The following CCDC69 variants were observed in gnomAD, a reference collection of about 807,000 sequenced individuals.
CCDC69 encodes coiled-coil domain-containing protein 69.
Under a neutral mutation model 40.3 loss-of-function variants are expected in CCDC69, and 38 were observed. The ratio of observed to expected loss-of-function variants is 0.94; its 90% CI spans 0.73 to 1.24. The LOEUF is 1.24. Among genes scored for constraint, CCDC69 ranks in the 50% most tolerant of loss-of-function variants. The pLI is 0.00. For missense variants in CCDC69, 389 were observed against 357.9 expected (o/e 1.09, Z -0.70); for synonymous variants, 141 against 138.9 (o/e 1.02, Z -0.11).
chr5:151,218,971 CAAACGCA>C (rs535802762), intron 1 of CCDC69, among the ~76,000 whole-genome samples: 2 of 152,298 alleles, frequency 1.3e-5, no homozygotes, highest in African/African-American at 4.8e-5. Flanking sequence ...TTTAGGTTGC[CAAACGCA>C]AAAATCTGGT....
chr5:151,192,095 A>AG (rs1477288089), intron 4 of CCDC69, among the ~76,000 whole-genome samples: 1 of 147,786 alleles, frequency 6.8e-6, no homozygotes, highest in East Asian at 2.0e-4. Flanking sequence ...AGGAAAAAAA[A>AG]AAAAAAAAAA....
chr5:151,219,231 C>T (rs1349503835), intron 1 of CCDC69, among the ~76,000 whole-genome samples: 2 of 152,202 alleles, frequency 1.3e-5, no homozygotes, highest in African/African-American at 4.8e-5. Flanking sequence ...TTGCCCACTC[C>T]TCCTGACCAG....
chr5:151,184,762 C>A (rs189351014), intron 7 of CCDC69: 1 of 197,406 alleles, frequency 5.1e-6, no homozygotes, highest in East Asian at 1.2e-4. Flanking sequence ...TTAAGTTTGT[C>A]TGTTATGTGT....
chr5:151,183,782 G>A (rs1383961704), intron 8 of CCDC69, among the ~76,000 whole-genome samples, 168 bp from the exon 9 acceptor site: 1 of 152,190 alleles, frequency 6.6e-6, no homozygotes, highest in Non-Finnish European at 1.5e-5. Flanking sequence ...GTTGACCAAG[G>A]AGCGGGGGCC....
chr5:151,213,033 A>G (rs1582050379), intron 1 of CCDC69: 2 of 370,664 alleles, frequency 5.4e-6, no homozygotes, highest in South Asian at 4.0e-5. Context: ...CTAACAGTCT[A>G]TAATTCTAAA....
intron 3 of CCDC69, 87 bp from the exon 4 acceptor site, chr5:151,199,171 T>C (rs1378078469): frequency 1.8e-6 from 2 of 1,097,662 alleles, no homozygotes; most frequent in Non-Finnish European, 2.8e-6. Flanking sequence ...TACGTGGAAC[T>C]TGGTGACCAG....
chr5:151,182,974 A>T lies in CCDC69; in HGVS notation c.*463T>A. The T allele has an allele frequency of 2.2e-6, 1 of 452,234 alleles. No homozygotes were observed. Among genetic ancestry groups the T allele is most frequent in the Non-Finnish European group, 4.5e-6 (1 of 224,008 alleles). The allele number at this position is 452,234 out of a possible 1,614,324, so 28.0% of individuals were successfully genotyped here. A position where few individuals can be genotyped will look rare whatever the true frequency, so the allele number is the denominator to read the frequency against. ...TAAGAGTCCTTTGACCAGTCCCCCCACCATTTTAATGCAGGGGTAAACTGA... is the reference window on the plus strand; with the variant it reads ...TAAGAGTCCTTTGACCAGTCCCCCCTCCATTTTAATGCAGGGGTAAACTGA... On this transcript the variant is annotated 3_prime_UTR_variant, in exon 9 of 9. Coordinates refer to ENST00000355417, the MANE Select transcript of CCDC69 (RefSeq NM_015621.3).
At chr5:151,215,512 A>G (rs979453) in intron 1 of CCDC69, 101,364 of 271,800 alleles carry the variant, frequency 0.37, 23,217 homozygotes, top group African/African-American at 0.74. Context: ...GGCAGGGCAG[A>G]GGCAGTTTGA....
chr5:151,205,797 G>A (rs936878144), intron 1 of CCDC69, among the ~76,000 whole-genome samples: 27 of 152,094 alleles, frequency 1.8e-4, no homozygotes, highest in African/African-American at 5.8e-4. Context: ...TTCTTCTCCC[G>A]GGATCTGGCC....
chr5:151,204,776 T>G (rs1337112353), intron 2 of CCDC69, among the ~76,000 whole-genome samples: 5 of 152,144 alleles, frequency 3.3e-5, no homozygotes, highest in Non-Finnish European at 7.4e-5. Context: ...AAAAAGAAAA[T>G]TAGATATTCA....
intron 1 of CCDC69, 29 bp downstream of exon 1, chr5:151,223,894 A>G: frequency 6.3e-7 from 1 of 1,589,676 alleles, no homozygotes; most frequent in Admixed American, 1.7e-5. Context: ...TCTCCTCTGA[A>G]AGCAAACTTC....
At chr5:151,199,106 C>A (rs745797142) in intron 3 of CCDC69, 22 bp from the exon 4 acceptor site, 2 of 1,596,424 alleles carry the variant, frequency 1.3e-6, no homozygotes, top group African/African-American at 2.7e-5. Context: ...GAGTCCCGGG[C>A]AGGACTGAGA....
intron 7 of CCDC69, 69 bp downstream of exon 7, chr5:151,185,353 C>T (rs1752479813): frequency 5.7e-6 from 9 of 1,577,162 alleles, no homozygotes; most frequent in Non-Finnish European, 7.8e-6. Context: ...CCTCTGCATG[C>T]TTTACAAAGG....
intron 1 of CCDC69, chr5:151,215,531 G>T: frequency 3.4e-6 from 1 of 291,676 alleles, no homozygotes; most frequent in Non-Finnish European, 7.6e-6. Context: ...GACACACTCA[G>T]CTGTTAGCTC....
chr5:151,198,291 G>GATCTACCT (rs1554089407), intron 4 of CCDC69, among the ~76,000 whole-genome samples: 38 of 141,824 alleles, frequency 2.7e-4, no homozygotes, highest in African/African-American at 9.4e-4. Context: ...GAATGAGATT[G>GATCTACCT]ATCTATCTAT....
intron 2 of CCDC69, among the ~76,000 whole-genome samples, chr5:151,203,273 G>A (rs1181069404): frequency 6.6e-6 from 1 of 151,922 alleles, no homozygotes; most frequent in Non-Finnish European, 1.5e-5. Context: ...ACTTTGGGAG[G>A]CCGAGGTGAG....
rs140423474 is a variant in CCDC69 at position 151,197,471 on chromosome 5, C to T, written c.319+1526G>A. Among the ~76,000 whole-genome samples the T allele has an allele frequency of 3.5e-3, 528 of 152,098 alleles. 3 individuals carry two copies. The highest frequency in any genetic ancestry group is 0.031 in the Middle Eastern group (9 of 294). On this transcript the variant is annotated intron_variant, in intron 4 of 8. Transcript: ENST00000355417. Reference sequence around the variant, plus strand: ...CCAAGAGGCGGAGGTTGAAGTGAGCCGAGATCGTGCCACTGTACTCCAGCC... The same window carrying T: ...CCAAGAGGCGGAGGTTGAAGTGAGCTGAGATCGTGCCACTGTACTCCAGCC...
intron 5 of CCDC69, among the ~76,000 whole-genome samples, chr5:151,186,779 C>T (rs1383588189): frequency 2.0e-5 from 3 of 152,200 alleles, no homozygotes; most frequent in African/African-American, 7.2e-5. Flanking sequence ...GGCTAGAGCA[C>T]AACCCCTTAA....
chr5:151,205,871 A>T (rs1391005636), intron 1 of CCDC69, among the ~76,000 whole-genome samples: 2 of 152,006 alleles, frequency 1.3e-5, no homozygotes, highest in Admixed American at 1.3e-4. Context: ...CCCAACCCCC[A>T]ATTCGGAGAT....
Sources: allele counts gnomAD v4.1 joint callset (sites outside exome capture counted in the v4.1 genomes callset), GRCh38; gene constraint gnomAD v4.1.1; transcripts MANE v1.5; gene names NCBI Gene and HGNC (gene_info 2026-07-23, HGNC 2026-07-21).